The following PABPC4L variants were observed in gnomAD, a reference collection of about 807,000 sequenced individuals.
PABPC4L encodes polyadenylate-binding protein 4-like.
For missense variants in PABPC4L, 452 were observed against 451.4 expected, an observed-to-expected ratio of 1.00 and a Z score of -0.01; for synonymous variants, 169 against 164.1, an observed-to-expected ratio of 1.03 and a Z score of -0.23.
chr4:133,980,184 A>G, the PABPC4L span, among the ~76,000 whole-genome samples: 1 of 152,196 alleles, frequency 6.6e-6, no homozygotes, highest in Non-Finnish European at 1.5e-5. Context: ...GTAGACAAAC[A>G]GTATTTTTGT....
the PABPC4L span, among the ~76,000 whole-genome samples, chr4:134,055,996 G>A: frequency 6.6e-6 from 1 of 151,898 alleles, no homozygotes. Flanking sequence ...TTTATATAAT[G>A]TATGAGACAT....
the PABPC4L span, among the ~76,000 whole-genome samples, chr4:134,144,470 A>T: frequency 3.0e-4 from 46 of 151,366 alleles, 2 homozygotes; most frequent in East Asian, 8.6e-3. Context: ...GTATCTATTG[A>T]TGTCATAAAT....
the PABPC4L span, among the ~76,000 whole-genome samples, chr4:134,052,397 T>C: frequency 6.6e-6 from 1 of 152,084 alleles, no homozygotes. Context: ...TAGAAAACAG[T>C]GTTTTACTCT....
the PABPC4L span, among the ~76,000 whole-genome samples, chr4:134,188,622 T>C: frequency 6.6e-6 from 1 of 152,114 alleles, no homozygotes; most frequent in South Asian, 2.1e-4. Flanking sequence ...TTTTGTTTTC[T>C]CTCAACACTT....
At chr4:134,114,629 A>G in the PABPC4L span, among the ~76,000 whole-genome samples, 1 of 151,888 alleles carries the variant, frequency 6.6e-6, no homozygotes, top group East Asian at 2.0e-4. Flanking sequence ...CAAGACCACC[A>G]TTAAAAGTCT....
the PABPC4L span, among the ~76,000 whole-genome samples, chr4:134,160,472 T>C: frequency 6.6e-6 from 1 of 152,064 alleles, no homozygotes; most frequent in East Asian, 1.9e-4. Flanking sequence ...ACACTCAAGC[T>C]CCTTTGAATT....
chr4:134,054,299 A>G, the PABPC4L span, among the ~76,000 whole-genome samples: 3 of 132,086 alleles, frequency 2.3e-5, no homozygotes, highest in Non-Finnish European at 4.8e-5. Context: ...TAGTTATGCT[A>G]GTAGTTTTGA....
the PABPC4L span, among the ~76,000 whole-genome samples, chr4:134,003,389 A>C: frequency 6.6e-6 from 1 of 151,812 alleles, no homozygotes; most frequent in East Asian, 1.9e-4. Flanking sequence ...TGCATATTTC[A>C]TCTGTTTATG....
chr4:134,046,030 G>A, the PABPC4L span, among the ~76,000 whole-genome samples: 2 of 152,098 alleles, frequency 1.3e-5, no homozygotes, highest in Admixed American at 6.6e-5. Context: ...TTTCTCGTCA[G>A]GTGGGACAAG....
At chr4:134,021,795 T>A in the PABPC4L span, among the ~76,000 whole-genome samples, 4 of 152,274 alleles carry the variant, frequency 2.6e-5, no homozygotes, top group East Asian at 5.8e-4. Context: ...CTTCTCAATT[T>A]TATATTTCCC....
chr4:134,166,984 T>G, the PABPC4L span, among the ~76,000 whole-genome samples: 3 of 152,182 alleles, frequency 2.0e-5, no homozygotes, highest in Non-Finnish European at 4.4e-5. Flanking sequence ...CTAAACTCTA[T>G]TTGGCTTTCT....
chr4:134,155,411 T>TTCACACAC, the PABPC4L span, among the ~76,000 whole-genome samples: 7 of 40,194 alleles, frequency 1.7e-4, no homozygotes, highest in African/African-American at 1.1e-3. Flanking sequence ...TCTCTCCCAG[T>TTCACACAC]TCACACACAC....
chr4:133,969,478 C>G, the PABPC4L span, among the ~76,000 whole-genome samples: 2 of 152,126 alleles, frequency 1.3e-5, no homozygotes, highest in Non-Finnish European at 2.9e-5. Context: ...TTTTATCTGC[C>G]TTTGTGCAGC....
At chr4:134,186,744 C>A in the PABPC4L span, among the ~76,000 whole-genome samples, 5,876 of 152,030 alleles carry the variant, frequency 0.039, 161 homozygotes, top group Middle Eastern at 0.099. Context: ...CTACCATCAG[C>A]GTGAACAGGC....
chr4:133,997,769 A>G, the PABPC4L span, among the ~76,000 whole-genome samples: 1 of 152,202 alleles, frequency 6.6e-6, no homozygotes, highest in Non-Finnish European at 1.5e-5. Flanking sequence ...AACTGAAGAT[A>G]ATAATAATGT....
chr4:134,087,261 T>G, the PABPC4L span, among the ~76,000 whole-genome samples: 112 of 152,184 alleles, frequency 7.4e-4, no homozygotes, highest in Non-Finnish European at 1.0e-3. Flanking sequence ...TAAAAAATGA[T>G]GAGTTCATGT....
At chr4:134,153,021 C>T in the PABPC4L span, among the ~76,000 whole-genome samples, 797 of 152,258 alleles carry the variant, frequency 5.2e-3, 9 homozygotes, top group African/African-American at 0.018. Context: ...AACTCTCACA[C>T]TAGAAAGGTT....
At chr4:134,090,807 G>A in the PABPC4L span, among the ~76,000 whole-genome samples, 1 of 151,744 alleles carries the variant, frequency 6.6e-6, no homozygotes, top group African/African-American at 2.4e-5. Flanking sequence ...CCTATGAAAT[G>A]ATGCAATAGT....
At chr4:134,045,677 G>T in the PABPC4L span, among the ~76,000 whole-genome samples, 1 of 152,070 alleles carries the variant, frequency 6.6e-6, no homozygotes, top group Non-Finnish European at 1.5e-5. Context: ...TTTTGTGAGA[G>T]CCCATGATCC....
Sources: gnomAD v4.1 joint callset for allele counts (sites outside exome capture counted in the v4.1 genomes callset) on GRCh38, gnomAD v4.1.1 for gene constraint, MANE v1.5 for transcripts, NCBI Gene and HGNC (gene_info 2026-07-23, HGNC 2026-07-21) for gene names.